Variants in NFYA observed in about 807,000 individuals in gnomAD.
NFYA encodes CAAT-box DNA binding protein subunit A.
Under a neutral mutation model 52.8 loss-of-function variants are expected in NFYA, and 28 were observed. The observed-to-expected ratio is 0.53, with a 90% CI of 0.39 to 0.73. The LOEUF (loss-of-function observed/expected upper bound fraction) is 0.73, where lower values mean the gene tolerates loss of function less well. Among genes scored for constraint, NFYA ranks in the 30% least tolerant of loss-of-function variants. The pLI, the probability that NFYA is intolerant of heterozygous loss-of-function variation, is 0.00. For synonymous variants in NFYA, 150 were observed against 150.7 expected (o/e 1.00, Z 0.03); for missense variants, 234 against 427.0 (o/e 0.55, Z 3.98).
rs575501178 is a variant in NFYA, at chr6:41,093,738, C to T, written c.888+653C>T. On this transcript the variant is annotated intron_variant, in intron 8 of 9. Transcript: ENST00000341376. ...CACCTGCCTGGGCCTCCCAAAGTGC[C>T]GGGATTATAGGCGTGAGCCACCATA... 4.6e-5 allele frequency among the ~76,000 whole-genome samples: 7 copies of T among 152,240 alleles called. No individual in the cohort carries two copies. The South Asian group carries it at 1.0e-3, about 23-fold the overall frequency.
At chr6:41,097,257 T>A in intron 9 of NFYA, 100 bp from the exon 10 acceptor site, 1 of 1,077,798 alleles carries the variant, frequency 9.3e-7, no homozygotes, top group Non-Finnish European at 1.4e-6. Flanking sequence ...ATTTACTTGG[T>A]AAAGTTATGT....
intron 9 of NFYA, among the ~76,000 whole-genome samples, chr6:41,096,255 C>T (rs1764353034): frequency 6.6e-6 from 1 of 152,198 alleles, no homozygotes; most frequent in African/African-American, 2.4e-5. Context: ...CACACATGAA[C>T]ACTAACAACT....
At position 41,097,650 on chromosome 6, in the gene NFYA, A is replaced by G; in HGVS notation, c.*240A>G. 1 of 452,482 alleles carries G rather than the reference A, an allele frequency of 2.2e-6. No homozygotes were observed. Among genetic ancestry groups the G allele is most frequent in the East Asian group, 3.8e-5 (1 of 26,120 alleles). The allele number at this position is 452,482 out of a possible 1,614,324, so 28.0% of individuals were successfully genotyped here. A position where few individuals can be genotyped will look rare whatever the true frequency, so the allele number is the denominator to read the frequency against. On this transcript the variant is annotated 3_prime_UTR_variant, in exon 10 of 10. Coordinates refer to ENST00000341376, the MANE Select transcript of NFYA (RefSeq NM_002505.5). ...ATTTCAGACTGTTGATGACATTGAC[A>G]TTTCATGGATTCGGATGATGCAAGG...
At position 41,098,793 on chromosome 6, in the gene NFYA, ATGCCT is replaced by A. The variant is rs986469142; in HGVS notation, c.*1384_*1388del. On this transcript the variant is annotated 3_prime_UTR_variant, in exon 10 of 10. Coordinates refer to ENST00000341376, the MANE Select transcript of NFYA (RefSeq NM_002505.5). ...GAATAAACTGCAGACTGAAAGAAAC[ATGCCT>A]GCAGGGTCAGGAACTGGGCCACTGT... 3.9e-5 allele frequency: 6 copies of A among 152,674 alleles called. No individual in the cohort carries two copies. The highest frequency in any genetic ancestry group is 1.4e-4 in the African/African-American group (6 of 41,448). 9.5% of individuals were successfully genotyped at this position (152,674 alleles called of 1,614,324 possible).
chr6:41,075,002 GTAT>G (rs549212538), intron 1 of NFYA, among the ~76,000 whole-genome samples: 66 of 151,534 alleles, frequency 4.4e-4, no homozygotes, highest in African/African-American at 1.4e-3. Context: ...CAGAAAACTC[GTAT>G]TCCAGTGCTC....
At position 41,073,639 on chromosome 6, in the gene NFYA, G is replaced by A. The variant is rs562796614; in HGVS notation, c.-62+555G>A. On this transcript the variant is annotated intron_variant, in intron 1 of 9. Transcript: ENST00000341376. ...CTAGGTCGGGAGGGAGGCCTGGGGA[G>A]GGTGCGCGCCGCGGCCGCGGGGTCC... Among the ~76,000 whole-genome samples the A allele has an allele frequency of 3.3e-5, 5 of 152,150 alleles. No homozygotes were observed. In the South Asian group the frequency reaches 1.0e-3, roughly 32 times the overall value.
chr6:41,091,507 TTA>T lies in NFYA; in HGVS notation c.548-19_548-18del, dbSNP rs1270978922. 2.5e-6 allele frequency: 4 copies of T among 1,612,116 alleles called. No individual in the cohort carries two copies. The highest frequency in any genetic ancestry group is 1.6e-4 in the Middle Eastern group (1 of 6,078). On this transcript the variant is annotated intron_variant, in intron 6 of 9. Transcript: ENST00000341376. ...TCTGTGTGCCTGTTTTTTGTTTGTT[TTA>T]TGTTTTGTTTTCTTAAAGTTACAGT...
chr6:41,085,547 T>C (rs1181259652), intron 4 of NFYA, among the ~76,000 whole-genome samples: 1 of 152,170 alleles, frequency 6.6e-6, no homozygotes, highest in Non-Finnish European at 1.5e-5. Context: ...GAGATAACTA[T>C]TAGTTACTCT....
chr6:41,101,050 C>A lies in NFYA; in HGVS notation c.*3640C>A, dbSNP rs6900025. 0.096 allele frequency: 14,626 copies of A among 152,326 alleles called. 739 individuals are homozygous for A. Among genetic ancestry groups the A allele is most frequent in the Middle Eastern group, 0.14 (42 of 294 alleles). 9.4% of individuals were successfully genotyped at this position (152,326 alleles called of 1,614,324 possible). ...GTGACCGGCGAGCGGCATGCGACGCCGCCTCTGTGGCCTGTGGAGGCCCGC... is the reference window on the plus strand; with the variant it reads ...GTGACCGGCGAGCGGCATGCGACGCAGCCTCTGTGGCCTGTGGAGGCCCGC... On this transcript the variant is annotated 3_prime_UTR_variant, in exon 10 of 10. Coordinates refer to ENST00000341376, the MANE Select transcript of NFYA (RefSeq NM_002505.5).
At chr6:41,089,072 G>C (rs1268425034) in intron 4 of NFYA, among the ~76,000 whole-genome samples, 1 of 151,948 alleles carries the variant, frequency 6.6e-6, no homozygotes, top group Non-Finnish European at 1.5e-5. Context: ...TGCAACCTCC[G>C]CCTCCGGTTC....
chr6:41,094,624 A>T (rs566409102), intron 9 of NFYA, 127 bp downstream of exon 9: 6 of 645,956 alleles, frequency 9.3e-6, no homozygotes, highest in Non-Finnish European at 1.4e-5. Flanking sequence ...ACTGGATGCA[A>T]TCTTATGTCT....
chr6:41,089,545 G>C (rs1332401993), intron 4 of NFYA, 34 bp from the exon 5 acceptor site: 1 of 1,569,180 alleles, frequency 6.4e-7, no homozygotes, highest in African/African-American at 1.4e-5. Flanking sequence ...AGTGTCAGTA[G>C]AGTACAATCC....
intron 1 of NFYA, among the ~76,000 whole-genome samples, chr6:41,074,176 C>G (rs1186435298): frequency 1.3e-5 from 2 of 152,188 alleles, no homozygotes; most frequent in African/African-American, 2.4e-5. Context: ...CCAGTCCACT[C>G]ATCTCTTGGT....
At chr6:41,074,148 C>CT (rs1255250801) in intron 1 of NFYA, among the ~76,000 whole-genome samples, 1 of 152,038 alleles carries the variant, frequency 6.6e-6, no homozygotes, top group African/African-American at 2.4e-5. Flanking sequence ...TTCTATGTTA[C>CT]TTTGTGTCAG....
chr6:41,091,836 T>A (rs371468148), intron 7 of NFYA, 142 bp downstream of exon 7: 33 of 910,420 alleles, frequency 3.6e-5, no homozygotes, highest in Admixed American at 8.3e-5. Context: ...GACAATAACA[T>A]TATGACAAAC....
At chr6:41,082,717 A>T (rs1763942724) in intron 3 of NFYA, among the ~76,000 whole-genome samples, 1 of 152,218 alleles carries the variant, frequency 6.6e-6, no homozygotes, top group African/African-American at 2.4e-5. Flanking sequence ...TGCTATATGT[A>T]TTCTGAGAAA....
chr6:41,077,926 A>C (rs1763785448), intron 1 of NFYA, among the ~76,000 whole-genome samples: 1 of 152,124 alleles, frequency 6.6e-6, no homozygotes, highest in Non-Finnish European at 1.5e-5. Context: ...AATGGGGTTG[A>C]TTAATTTTTA....
At chr6:41,094,950 C>G (rs35105472) in intron 9 of NFYA, among the ~76,000 whole-genome samples, 27,619 of 152,146 alleles carry the variant, frequency 0.18, 2,809 homozygotes, top group South Asian at 0.28. Context: ...TTTTATTACC[C>G]CATCACAAAT....
intron 4 of NFYA, among the ~76,000 whole-genome samples, chr6:41,087,182 T>C (rs1764072352): frequency 6.6e-6 from 1 of 152,204 alleles, no homozygotes; most frequent in East Asian, 1.9e-4. Context: ...ATGAAGTTGG[T>C]TCACATAACC....
Sources: gnomAD v4.1 joint callset for allele counts (sites outside exome capture counted in the v4.1 genomes callset) on GRCh38, gnomAD v4.1.1 for gene constraint, MANE v1.5 for transcripts, NCBI Gene and HGNC (gene_info 2026-07-23, HGNC 2026-07-21) for gene names.